The following C11orf65 variants were observed in gnomAD, a reference collection of about 807,000 sequenced individuals.
C11orf65 encodes the protein chromosome 11 open reading frame 65, also known as protein MFI.
A neutral mutation model predicts 35.3 loss-of-function variants in C11orf65; 38 were observed. That is an observed-to-expected ratio of 1.08 (90% CI 0.83 to 1.41). The LOEUF (loss-of-function observed/expected upper bound fraction) is 1.41. Ranked by LOEUF, C11orf65 falls within the 40% of genes most tolerant of loss-of-function variation. C11orf65 has a pLI of 0.00. For synonymous variants in C11orf65, 105 were observed against 114.4 expected (o/e 0.92, Z 0.53); for missense variants, 370 against 367.1 (o/e 1.01, Z -0.06).
chr11:108,311,152 T>C (rs2084124277), intron 6 of C11orf65, among the ~76,000 whole-genome samples: 4 of 152,054 alleles, frequency 2.6e-5, no homozygotes, highest in African/African-American at 9.7e-5. Flanking sequence ...AATTTTTATT[T>C]TTAATAGAGA....
chr11:108,325,083 CT>C (rs1384455205), intron 6 of C11orf65, among the ~76,000 whole-genome samples: 2 of 152,178 alleles, frequency 1.3e-5, no homozygotes, highest in African/African-American at 4.8e-5. Flanking sequence ...TGTTTGTCAT[CT>C]GTGACCTCTC....
At chr11:108,370,476 T>C (rs944351151) in intron 2 of C11orf65, among the ~76,000 whole-genome samples, 1 of 151,524 alleles carries the variant, frequency 6.6e-6, no homozygotes, top group Non-Finnish European at 1.5e-5. Context: ...CTTTTTTTTT[T>C]TCCTTGCCTC....
intron 2 of C11orf65, among the ~76,000 whole-genome samples, chr11:108,357,470 G>T (rs1287462225): frequency 1.3e-5 from 2 of 152,228 alleles, no homozygotes; most frequent in Non-Finnish European, 2.9e-5. Flanking sequence ...GCCTGCCTCT[G>T]TAGGCTCCAC....
At chr11:108,450,965 T>C (rs571800910) in intron 2 of C11orf65, among the ~76,000 whole-genome samples, 1 of 152,008 alleles carries the variant, frequency 6.6e-6, no homozygotes, top group South Asian at 2.1e-4. Context: ...CAGCTCTTCA[T>C]GCTAAAAACT....
intron 3 of C11orf65, among the ~76,000 whole-genome samples, chr11:108,417,150 T>C (rs910547757): frequency 4.6e-5 from 7 of 151,994 alleles, no homozygotes; most frequent in African/African-American, 1.7e-4. Context: ...CAGGGTAGAT[T>C]TAAATCCCCA....
chr11:108,376,088 G>C (rs988878528), intron 2 of C11orf65, among the ~76,000 whole-genome samples: 4 of 152,096 alleles, frequency 2.6e-5, no homozygotes, highest in Admixed American at 2.0e-4. Context: ...GAGACAAAAA[G>C]TCAACAAGGA....
intron 2 of C11orf65, among the ~76,000 whole-genome samples, chr11:108,372,498 T>A (rs1238969760): frequency 6.6e-6 from 1 of 152,228 alleles, no homozygotes; most frequent in Non-Finnish European, 1.5e-5. Context: ...TGGCCAATAA[T>A]TCTTATTTCT....
intron 2 of C11orf65, among the ~76,000 whole-genome samples, chr11:108,454,944 G>C (rs935540810): frequency 6.6e-6 from 1 of 151,840 alleles, no homozygotes; most frequent in Admixed American, 6.6e-5. Context: ...TCTGTTTCTA[G>C]TTCCTTGAAG....
chr11:108,429,848 G>T lies in C11orf65; in HGVS notation c.174+1898C>A, dbSNP rs371016261. Among the ~76,000 whole-genome samples, 11 of 152,194 alleles carry T rather than the reference G, an allele frequency of 7.2e-5. No homozygotes were observed. The East Asian group carries it at 1.4e-3, about 19-fold the overall frequency. On this transcript the variant is annotated intron_variant, in intron 3 of 8. Coordinates refer to ENST00000393084, the MANE Select transcript of C11orf65 (RefSeq NM_152587.5). ...AAATCCCGCAATAAACTATTACATG[G>T]GTGAATCTTGAGGACACTGTGCTAA... is the stretch of plus-strand genomic sequence containing the variant.
intron 2 of C11orf65, among the ~76,000 whole-genome samples, chr11:108,444,409 T>C (rs2093216424): frequency 6.6e-6 from 1 of 152,158 alleles, no homozygotes; most frequent in Admixed American, 6.6e-5. Context: ...GCTGCTACCA[T>C]TCCTTCTGAA....
intron 8 of C11orf65, 110 bp from the exon 9 acceptor site, chr11:108,383,285 C>T (rs1305281438): frequency 2.2e-6 from 2 of 924,512 alleles, no homozygotes; most frequent in East Asian, 5.5e-5. Context: ...ATTCTTAAAG[C>T]AAATATCTTC....
rs876660594 is a variant in C11orf65, at chr11:108,365,174, C to G, written c.226+28034G>C. On this transcript the variant is annotated intron_variant, in intron 2 of 3. Transcript: ENST00000524755. ...GGCCGGAAGATGAAACTGAGCTTCACCCTACTCTGAATGCAGATGACCAAG... is the reference window on the plus strand; with the variant it reads ...GGCCGGAAGATGAAACTGAGCTTCAGCCTACTCTGAATGCAGATGACCAAG... 6.2e-7 allele frequency: 1 copy of G among 1,614,182 alleles called. No individual in the cohort carries two copies. Among genetic ancestry groups the G allele is most frequent in the Non-Finnish European group, 8.5e-7 (1 of 1,180,032 alleles).
chr11:108,370,211 AT>A (rs550020772), intron 2 of C11orf65, among the ~76,000 whole-genome samples: 1 of 151,866 alleles, frequency 6.6e-6, no homozygotes, highest in African/African-American at 2.4e-5. Context: ...TATAAAGGAC[AT>A]TTTTTTCATA....
chr11:108,459,110 C>A (rs1317511755), intron 2 of C11orf65, among the ~76,000 whole-genome samples: 2 of 152,102 alleles, frequency 1.3e-5, no homozygotes, highest in East Asian at 3.8e-4. Context: ...CGTCAAGTAG[C>A]CAGCTATTAA....
At chr11:108,453,905 G>C (rs1361185668) in intron 2 of C11orf65, among the ~76,000 whole-genome samples, 1 of 152,110 alleles carries the variant, frequency 6.6e-6, no homozygotes, top group Non-Finnish European at 1.5e-5. Context: ...AACTCATGTT[G>C]GCTTTGTAAA....
At chr11:108,343,182 G>A in intron 2 of C11orf65, 4 of 1,609,436 alleles carry the variant, frequency 2.5e-6, no homozygotes, top group Non-Finnish European at 2.6e-6. Flanking sequence ...GCTCTTTAAT[G>A]GCCTTTTAAA....
chr11:108,389,325 A>G (rs2092090840), intron 7 of C11orf65, among the ~76,000 whole-genome samples: 1 of 152,208 alleles, frequency 6.6e-6, no homozygotes, highest in South Asian at 2.1e-4. Context: ...GCAGTTAGCT[A>G]GGGGAAGGCC....
At chr11:108,417,649 TGTACCATGCAAATAAGAGACA>T (rs1275073691) in intron 3 of C11orf65, among the ~76,000 whole-genome samples, 1 of 151,970 alleles carries the variant, frequency 6.6e-6, no homozygotes, top group Non-Finnish European at 1.5e-5. Context: ...ACAGGAAAGA[TGTACCATGCAAATAAGAGACA>T]GTTGGTGTGC....
At chr11:108,459,731 A>G (rs1422787854) in intron 2 of C11orf65, among the ~76,000 whole-genome samples, 3 of 46,152 alleles carry the variant, frequency 6.5e-5, no homozygotes, top group African/African-American at 2.1e-4. Context: ...CCGTCTACAC[A>G]CACACACACA....
Sources: gnomAD v4.1 joint callset for allele counts (sites outside exome capture counted in the v4.1 genomes callset) on GRCh38, gnomAD v4.1.1 for gene constraint, MANE v1.5 for transcripts, NCBI Gene and HGNC (gene_info 2026-07-23, HGNC 2026-07-21) for gene names.